The following TMEM114 variants were observed in gnomAD, a reference collection of about 807,000 sequenced individuals.
The protein encoded by TMEM114 is transmembrane protein 114.
A neutral mutation model predicts 6.2 loss-of-function variants in TMEM114; 6 were observed. The observed-to-expected ratio is 0.97, with a 90% CI of 0.53 to 1.91. The LOEUF (loss-of-function observed/expected upper bound fraction) is 1.91. Among genes scored for constraint, TMEM114 ranks in the 40% most tolerant of loss-of-function variants. TMEM114 has a pLI of 0.01. For missense variants in TMEM114, 218 were observed against 158.3 expected (o/e 1.38, Z -2.02); for synonymous variants, 104 against 73.0 (o/e 1.42, Z -2.16).
intron 2 of TMEM114, among the ~76,000 whole-genome samples, chr16:8,557,334 A>G (rs1277065380): frequency 6.6e-6 from 1 of 152,090 alleles, no homozygotes; most frequent in Non-Finnish European, 1.5e-5. Context: ...AAGCCCTGAT[A>G]CTACCATATT....
Position 8,549,546 on chromosome 16 carries a change from G to C in TMEM114, n.213-11720C>G, listed in dbSNP as rs539933451. Among the ~76,000 whole-genome samples the C allele has an allele frequency of 3.3e-5, 5 of 150,964 alleles. No individual in the cohort carries two copies. The East Asian group carries it at 5.8e-4, about 18-fold the overall frequency. ...TGCATGATCTCAAAGTGAGATCTGT[G>C]TGAACTGAGAAAAATAAGAAAGTTC... On this transcript the variant is annotated intron_variant and non_coding_transcript_variant, in intron 2 of 2. Transcript: ENST00000623677.
chr16:8,549,019 A>G (rs1323172177), intron 2 of TMEM114, among the ~76,000 whole-genome samples: 3 of 151,930 alleles, frequency 2.0e-5, no homozygotes, highest in Admixed American at 2.0e-4. Context: ...CAGCTCTACT[A>G]AAAATACAAA....
chr16:8,563,181 G>GGGAA (rs1901342244), intron 2 of TMEM114, among the ~76,000 whole-genome samples: 1 of 139,344 alleles, frequency 7.2e-6, no homozygotes, highest in African/African-American at 2.6e-5. Context: ...AAATGAGTGA[G>GGGAA]TGAATGAGTG....
At position 8,558,837 on chromosome 16, in the gene TMEM114, T is replaced by A. The variant is rs560161450; in HGVS notation, n.213-21011A>T. Among the ~76,000 whole-genome samples, 9 of 150,316 alleles carry A rather than the reference T, an allele frequency of 6.0e-5. No homozygotes were observed. In the South Asian group the frequency reaches 1.9e-3, roughly 32 times the overall value. On this transcript the variant is annotated intron_variant and non_coding_transcript_variant, in intron 2 of 2. Transcript: ENST00000623677. ...CTCACTGCAACCCCTGCCTCCTGGG[T>A]TCAAGCAATTCTCCTGCCTCAGCCT...
intron 2 of TMEM114, 173 bp from the exon 3 acceptor site, chr16:8,572,397 T>C: frequency 1.4e-6 from 1 of 721,620 alleles, no homozygotes; most frequent in Non-Finnish European, 2.3e-6. Context: ...ACAACAGTGG[T>C]TGAGGCTCAT....
At chr16:8,546,003 T>A (rs9937319) in intron 2 of TMEM114, among the ~76,000 whole-genome samples, 47,261 of 151,924 alleles carry the variant, frequency 0.31, 7,663 homozygotes, top group East Asian at 0.37. Flanking sequence ...TAGTCCCAGC[T>A]GCCTTGGAGG....
intron 2 of TMEM114, among the ~76,000 whole-genome samples, chr16:8,580,757 T>C (rs1463080746): frequency 6.6e-6 from 1 of 152,176 alleles, no homozygotes; most frequent in Admixed American, 6.5e-5. Context: ...GTGGGCCTTA[T>C]CTCGGCTCAC....
At chr16:8,583,153 G>A (rs113186959) in intron 2 of TMEM114, among the ~76,000 whole-genome samples, 1 of 152,202 alleles carries the variant, frequency 6.6e-6, no homozygotes, top group African/African-American at 2.4e-5. Context: ...CAAGAGCTCA[G>A]AATGGTGTCC....
chr16:8,528,084 A>T, the TMEM114 span, among the ~76,000 whole-genome samples: 1 of 151,900 alleles, frequency 6.6e-6, no homozygotes, highest in African/African-American at 2.4e-5. Flanking sequence ...AAGTTTTGGT[A>T]GAGATGGGAT....
Position 8,569,903 on chromosome 16 carries a change from A to G in TMEM114, c.542T>C (p.Val181Ala), listed in dbSNP as rs756172089. 1 of 1,551,082 alleles carries G rather than the reference A, an allele frequency of 6.4e-7. No homozygotes were observed. Among genetic ancestry groups the G allele is most frequent in the Non-Finnish European group, 8.7e-7 (1 of 1,146,954 alleles). ...LLEEKALLDQ[V>A]DISFGWSLAL... ...CAGGGACCAGCCGAAGCTGATGTCC[A>G]CCTGGTCCAGGAGGGCCTTCTCCTC... Residue 181 changes from valine (V) to alanine (A), a missense_variant, in exon 4 of 4, where the codon GTG becomes GCG. Coordinates refer to ENST00000620492, the MANE Select transcript of TMEM114 (RefSeq NM_001146336.2).
chr16:8,563,173 ATGAGTG>A (rs1567202772), intron 2 of TMEM114, among the ~76,000 whole-genome samples: 1 of 141,052 alleles, frequency 7.1e-6, no homozygotes, highest in African/African-American at 2.7e-5. Flanking sequence ...GAGTGAGTAA[ATGAGTG>A]AGTGAATGAG....
At chr16:8,560,599 C>A (rs746233678) in intron 2 of TMEM114, among the ~76,000 whole-genome samples, 2 of 152,200 alleles carry the variant, frequency 1.3e-5, no homozygotes, top group African/African-American at 4.8e-5. Context: ...AAGGGAGATT[C>A]TGAGGCTGGA....
the TMEM114 span, among the ~76,000 whole-genome samples, chr16:8,530,538 G>A: frequency 1.3e-5 from 2 of 151,244 alleles, no homozygotes; most frequent in African/African-American, 4.8e-5. Context: ...AAGGAGACAG[G>A]GAAGGAAAGA....
At chr16:8,568,154 C>G (rs773659881), downstream of TMEM114, among the ~76,000 whole-genome samples, 1 of 152,180 alleles carries the variant, frequency 6.6e-6, no homozygotes, top group Non-Finnish European at 1.5e-5. Flanking sequence ...CCTCAGTTTC[C>G]TCATCTGTAC....
chr16:8,588,916 G>C (rs1250034958), intron 2 of TMEM114, among the ~76,000 whole-genome samples: 1 of 152,208 alleles, frequency 6.6e-6, no homozygotes, highest in Non-Finnish European at 1.5e-5. Flanking sequence ...ATTTGTCCCA[G>C]CACCACTGTG....
Position 8,550,252 on chromosome 16 carries a change from C to T in TMEM114, n.213-12426G>A, listed in dbSNP as rs189174152. ...AGTCCACTGACTCAAATGATAATCT[C>T]TTCTGGCAATAGCCAGAAATACCCA... On this transcript the variant is annotated intron_variant and non_coding_transcript_variant, in intron 2 of 2. Transcript: ENST00000623677. Among the ~76,000 whole-genome samples, 290 of 152,352 alleles carry T rather than the reference C, an allele frequency of 1.9e-3. 1 individual carries two copies. The highest frequency in any genetic ancestry group is 6.7e-3 in the African/African-American group (277 of 41,582).
At chr16:8,562,560 A>AG (rs1901288058) in intron 2 of TMEM114, among the ~76,000 whole-genome samples, 1 of 70,844 alleles carries the variant, frequency 1.4e-5, no homozygotes, top group South Asian at 4.4e-4. Flanking sequence ...GAGTGCGTCA[A>AG]TGAGTGAGTG....
At chr16:8,563,229 ATGAG>A (rs1901346040) in intron 2 of TMEM114, among the ~76,000 whole-genome samples, 1 of 148,702 alleles carries the variant, frequency 6.7e-6, no homozygotes, top group South Asian at 2.2e-4. Flanking sequence ...AAGTAAGTGA[ATGAG>A]TGAGTGAATG....
At chr16:8,586,519 G>GT (rs111838582) in intron 2 of TMEM114, among the ~76,000 whole-genome samples, 10,335 of 145,294 alleles carry the variant, frequency 0.071, 435 homozygotes, top group Non-Finnish European at 0.093. Flanking sequence ...CTTTTTTTTT[G>GT]TTTTTTTTTT....
Sources: gnomAD v4.1 joint callset for allele counts (sites outside exome capture counted in the v4.1 genomes callset) on GRCh38, gnomAD v4.1.1 for gene constraint, MANE v1.5 for transcripts, NCBI Gene and HGNC (gene_info 2026-07-23, HGNC 2026-07-21) for gene names.